CAPN5: variants seen among roughly 807,000 people sequenced by gnomAD.
The protein encoded by CAPN5 is calpain 5.
Under a neutral mutation model 73.0 loss-of-function variants are expected in CAPN5, and 54 were observed. The observed-to-expected ratio is 0.74, with a 90% CI of 0.59 to 0.93. The LOEUF (loss-of-function observed/expected upper bound fraction) is 0.93, where lower values mean the gene tolerates loss of function less well. CAPN5 is among the 40% of genes least tolerant of loss of function. CAPN5 has a pLI of 0.00. For synonymous variants in CAPN5, 335 were observed against 356.9 expected (o/e 0.94, Z 0.69); for missense variants, 785 against 882.9 (o/e 0.89, Z 1.41).
chr11:77,073,343 C>G (rs1474621764), intron 1 of CAPN5, among the ~76,000 whole-genome samples: 3 of 152,210 alleles, frequency 2.0e-5, no homozygotes, highest in African/African-American at 4.8e-5. Flanking sequence ...ACCTGGAACA[C>G]CCTTTCAGAA....
At position 77,120,914 on chromosome 11, in the gene CAPN5, T is replaced by C. The variant is rs1409608258; in HGVS notation, c.1487+5T>C. On this transcript the variant is annotated splice_donor_5th_base_variant and intron_variant, in intron 10 of 12. Coordinates refer to ENST00000648180, the MANE Select transcript of CAPN5 (RefSeq NM_004055.5). ...TGATGTGCCCTCCAACTGCCGGTAC[T>C]TGGGGGCTGGCTTGAGGCCAGTGTG... 1.6e-5 allele frequency: 25 copies of C among 1,610,338 alleles called. No homozygotes were observed. Among genetic ancestry groups the C allele is most frequent in the Non-Finnish European group, 2.1e-5 (25 of 1,177,310 alleles).
At chr11:77,093,278 G>A (rs1950169574) in intron 2 of CAPN5, among the ~76,000 whole-genome samples, 1 of 152,218 alleles carries the variant, frequency 6.6e-6, no homozygotes, top group Non-Finnish European at 1.5e-5. Flanking sequence ...GTACCCCTGT[G>A]GGCTGGCGGG....
intron 2 of CAPN5, among the ~76,000 whole-genome samples, chr11:77,093,165 G>A (rs549160272): frequency 6.6e-5 from 10 of 152,306 alleles, no homozygotes; most frequent in African/African-American, 2.2e-4. Context: ...AGTGCCATGC[G>A]GGGCCTGGCC....
chr11:77,080,020 A>C (rs1007256338), intron 1 of CAPN5, among the ~76,000 whole-genome samples: 1 of 152,150 alleles, frequency 6.6e-6, no homozygotes, highest in Admixed American at 6.5e-5. Context: ...ATCTGGAATA[A>C]GTTTTGTATA....
intron 3 of CAPN5, chr11:77,102,749 G>A: frequency 4.2e-6 from 6 of 1,422,430 alleles, no homozygotes; most frequent in Non-Finnish European, 5.5e-6. Flanking sequence ...CAGAAAGTAG[G>A]TGGGGCCCCC....
intron 1 of CAPN5, among the ~76,000 whole-genome samples, chr11:77,076,662 C>T (rs1300885642): frequency 6.6e-6 from 1 of 152,176 alleles, no homozygotes; most frequent in Non-Finnish European, 1.5e-5. Flanking sequence ...ATATTGCCTT[C>T]CTCGTTTATC....
At chr11:77,099,134 C>A (rs1399279103) in intron 3 of CAPN5, among the ~76,000 whole-genome samples, 5,720 of 15,324 alleles carry the variant, frequency 0.37, no homozygotes, top group East Asian at 0.42. Flanking sequence ...AGACGATGGG[C>A]GGCCGGGCAG....
chr11:77,098,771 CG>C (rs1402351583), intron 3 of CAPN5, among the ~76,000 whole-genome samples: 2 of 18,760 alleles, frequency 1.1e-4, no homozygotes, highest in African/African-American at 2.2e-4. Context: ...GCTGGCCGGG[CG>C]GGGGGGCTGA....
At chr11:77,120,485 C>A (rs1264633743) in intron 9 of CAPN5, 10 of 458,798 alleles carry the variant, frequency 2.2e-5, no homozygotes, top group Non-Finnish European at 3.8e-5. Context: ...TTTCATCTCC[C>A]CAAAAGAAAC....
intron 1 of CAPN5, among the ~76,000 whole-genome samples, chr11:77,083,706 G>C (rs11237081): frequency 0.37 from 56,084 of 152,056 alleles, 11,418 homozygotes; most frequent in Non-Finnish European, 0.45. Flanking sequence ...TCAGCCTTCA[G>C]TTAATGGGTT....
At chr11:77,107,740 C>T (rs1950366727) in intron 3 of CAPN5, among the ~76,000 whole-genome samples, 1 of 152,182 alleles carries the variant, frequency 6.6e-6, no homozygotes, top group Admixed American at 6.5e-5. Context: ...CAGATCCTGC[C>T]AGTCCTTGCC....
At chr11:77,120,407 T>G in intron 9 of CAPN5, 1 of 303,100 alleles carries the variant, frequency 3.3e-6, no homozygotes, top group Non-Finnish European at 6.1e-6. Context: ...CCATGTAAAG[T>G]ATACAATCTA....
chr11:77,085,726 C>A (rs1490206154), intron 2 of CAPN5, among the ~76,000 whole-genome samples: 1 of 152,104 alleles, frequency 6.6e-6, no homozygotes, highest in Non-Finnish European at 1.5e-5. Flanking sequence ...TGATTTCATC[C>A]CCTTGAACCC....
chr11:77,098,728 G>C (rs868937444), intron 3 of CAPN5, among the ~76,000 whole-genome samples: 8 of 134 alleles, frequency 0.06, 4 homozygotes, highest in East Asian at 0.57. Context: ...AGGCGGAGGG[G>C]TGACCCCCCC....
intron 5 of CAPN5, 41 bp downstream of exon 5, chr11:77,114,475 A>AC: frequency 1.3e-6 from 2 of 1,552,120 alleles, no homozygotes; most frequent in South Asian, 2.2e-5. Context: ...CCTCCCCTTC[A>AC]CCCTCGCTGA....
chr11:77,102,720 G>C, intron 3 of CAPN5: 1 of 1,211,880 alleles, frequency 8.3e-7, no homozygotes, highest in Non-Finnish European at 1.1e-6. Flanking sequence ...AGTGGCAAAG[G>C]GAGGGGAAGA....
At chr11:77,096,820 G>C (rs944924384) in intron 3 of CAPN5, among the ~76,000 whole-genome samples, 5 of 152,212 alleles carry the variant, frequency 3.3e-5, no homozygotes, top group Non-Finnish European at 7.3e-5. Flanking sequence ...CCAAAAAAAA[G>C]CATGGAAGTG....
intron 2 of CAPN5, chr11:77,087,989 A>G: frequency 1.3e-6 from 2 of 1,535,670 alleles, no homozygotes; most frequent in Non-Finnish European, 1.7e-6. Flanking sequence ...GGGGAGATGC[A>G]CGGAGAATGG....
rs1950427927 is a variant in CAPN5, at chr11:77,113,020, C to T, written c.506+223C>T. 5.0e-6 allele frequency: 3 copies of T among 596,700 alleles called. No individual in the cohort carries two copies. In the East Asian group the frequency reaches 8.4e-5, roughly 17 times the overall value. The allele number at this position is 596,700 out of a possible 1,614,324, so 37.0% of individuals were successfully genotyped here. On this transcript the variant is annotated intron_variant, in intron 4 of 12. Transcript: ENST00000648180. ...TGTAAGGAGAGGAATGTTGGTTACTCCCATTTTAGGGGGAGAAGACTGAGG... is the reference window on the plus strand; with the variant it reads ...TGTAAGGAGAGGAATGTTGGTTACTTCCATTTTAGGGGGAGAAGACTGAGG...
Sources: allele counts gnomAD v4.1 joint callset (sites outside exome capture counted in the v4.1 genomes callset), GRCh38; gene constraint gnomAD v4.1.1; transcripts MANE v1.5; gene names NCBI Gene and HGNC (gene_info 2026-07-23, HGNC 2026-07-21).